Variants in LINGO2 observed in about 807,000 individuals in gnomAD.
The protein encoded by LINGO2 is leucine rich repeat and Ig domain containing 2, also known as leucine-rich repeat and immunoglobulin-like domain-containing nogo receptor-interacting protein 2.
In LINGO2, 14 loss-of-function variants were observed where a neutral mutation model predicts 30.6. The ratio of observed to expected loss-of-function variants is 0.46; its 90% CI spans 0.30 to 0.72. LINGO2 has a LOEUF of 0.72. Ranked by LOEUF, LINGO2 falls within the 30% of genes least tolerant of loss-of-function variation. The probability of loss-of-function intolerance (pLI) is 0.07; values close to 1 mark genes in which losing one functional copy is unlikely to be tolerated. For missense variants in LINGO2, 729 were observed against 751.7 expected (o/e 0.97, Z 0.35); for synonymous variants, 317 against 288.5 (o/e 1.10, Z -1.00).
At chr9:29,030,146 C>T in the LINGO2 span, among the ~76,000 whole-genome samples, 4 of 151,862 alleles carry the variant, frequency 2.6e-5, no homozygotes, top group Admixed American at 2.6e-4. Context: ...TTAGGATTGC[C>T]AAGTCTAAAC....
intron 3 of LINGO2, among the ~76,000 whole-genome samples, chr9:28,326,018 T>A (rs528341990): frequency 1.6e-4 from 25 of 152,308 alleles, no homozygotes; most frequent in African/African-American, 5.8e-4. Flanking sequence ...TTTTGTTTTG[T>A]TTTGTTTAGA....
chr9:28,580,467 C>G (rs772803334), intron 1 of LINGO2, among the ~76,000 whole-genome samples: 1 of 151,986 alleles, frequency 6.6e-6, no homozygotes, highest in Non-Finnish European at 1.5e-5. Context: ...CCCTCCCTCC[C>G]ACTGAATAAA....
At chr9:27,983,447 C>A (rs1458924571) in intron 5 of LINGO2, among the ~76,000 whole-genome samples, 1 of 151,810 alleles carries the variant, frequency 6.6e-6, no homozygotes, top group Non-Finnish European at 1.5e-5. Context: ...AGATACAAGT[C>A]ATCATCCATC....
chr9:28,467,044 G>T (rs138591652), intron 2 of LINGO2, among the ~76,000 whole-genome samples: 4,398 of 150,726 alleles, frequency 0.029, 226 homozygotes, highest in African/African-American at 0.1. Context: ...TTGGGGGGGG[G>T]GGACGGAGTC....
the LINGO2 span, among the ~76,000 whole-genome samples, chr9:29,065,053 T>C: frequency 6.6e-6 from 1 of 152,138 alleles, no homozygotes; most frequent in Non-Finnish European, 1.5e-5. Context: ...TTCAGCTTTA[T>C]GCTCCCAGCA....
At chr9:29,053,920 G>A in the LINGO2 span, among the ~76,000 whole-genome samples, 1 of 151,932 alleles carries the variant, frequency 6.6e-6, no homozygotes, top group African/African-American at 2.4e-5. Flanking sequence ...TAAGTTAAAA[G>A]AGAAGAAAGG....
At chr9:27,950,793 A>C (rs1402000752) in intron 5 of LINGO2, 87 bp from the exon 7 acceptor site, 3 of 631,442 alleles carry the variant, frequency 4.8e-6, no homozygotes, top group Non-Finnish European at 7.2e-6. Context: ...CAGCAAGTGT[A>C]ATGGAAAGGA....
chr9:29,098,795 A>G, the LINGO2 span, among the ~76,000 whole-genome samples: 5 of 152,180 alleles, frequency 3.3e-5, no homozygotes, highest in African/African-American at 1.2e-4. Flanking sequence ...CATTTTTGAA[A>G]TGTCTATGGT....
chr9:28,233,039 T>TAC (rs1554690889), intron 4 of LINGO2, among the ~76,000 whole-genome samples: 2 of 103,866 alleles, frequency 1.9e-5, no homozygotes, highest in Non-Finnish European at 3.7e-5. Flanking sequence ...ATTATATATA[T>TAC]ATATATATAT....
the LINGO2 span, among the ~76,000 whole-genome samples, chr9:28,761,479 C>T: frequency 1.1e-5 from 1 of 88,252 alleles, no homozygotes; most frequent in African/African-American, 3.3e-5. Flanking sequence ...GAAAAATATA[C>T]ATGCGCACAC....
intron 1 of LINGO2, among the ~76,000 whole-genome samples, chr9:28,581,503 T>A (rs575126840): frequency 4.0e-5 from 6 of 150,160 alleles, no homozygotes; most frequent in Admixed American, 1.3e-4. Context: ...GTAAATAATA[T>A]AGTAAATTGT....
At chr9:28,529,875 A>G (rs996492993) in intron 1 of LINGO2, among the ~76,000 whole-genome samples, 2 of 152,102 alleles carry the variant, frequency 1.3e-5, no homozygotes, top group African/African-American at 4.8e-5. Flanking sequence ...TAGCAAAATT[A>G]AAAGAAAAAT....
chr9:28,373,635 C>G lies in LINGO2; in HGVS notation c.-278-767G>C, dbSNP rs561303209. 5.6e-4 allele frequency among the ~76,000 whole-genome samples: 85 copies of G among 152,268 alleles called. 1 individual carries two copies. The highest frequency in any genetic ancestry group is 2.0e-3 in the African/African-American group (83 of 41,550). On this transcript the variant is annotated intron_variant, in intron 2 of 5. Transcript: ENST00000379992. ...TGGATTCAGGCCGGGCGCAGTGGCTCATGCCTGTAATCCGAGCACTTTGGG... is the reference window on the plus strand; with the variant it reads ...TGGATTCAGGCCGGGCGCAGTGGCTGATGCCTGTAATCCGAGCACTTTGGG...
At chr9:28,455,280 T>C (rs1375594522) in intron 2 of LINGO2, among the ~76,000 whole-genome samples, 1 of 152,048 alleles carries the variant, frequency 6.6e-6, no homozygotes, top group Non-Finnish European at 1.5e-5. Flanking sequence ...TACTCTAATA[T>C]ACTAGATTAT....
chr9:28,784,383 T>C, the LINGO2 span, among the ~76,000 whole-genome samples: 2 of 152,190 alleles, frequency 1.3e-5, no homozygotes, highest in Admixed American at 6.5e-5. Context: ...GCTTTGGAGT[T>C]ACACAGAAGT....
the LINGO2 span, among the ~76,000 whole-genome samples, chr9:28,683,158 G>C: frequency 9.5e-3 from 1,451 of 152,072 alleles, 23 homozygotes; most frequent in African/African-American, 0.033. Context: ...CCCAGTACTT[G>C]TGCTTCATTT....
At chr9:29,155,321 A>C in the LINGO2 span, among the ~76,000 whole-genome samples, 552 of 152,186 alleles carry the variant, frequency 3.6e-3, 7 homozygotes, top group African/African-American at 0.013. Context: ...CTAGAAAATA[A>C]ATTTTTTAAA....
chr9:29,103,087 A>G, the LINGO2 span, among the ~76,000 whole-genome samples: 3 of 152,182 alleles, frequency 2.0e-5, no homozygotes, highest in African/African-American at 7.2e-5. Flanking sequence ...ATAGAAAACT[A>G]CATCACTATA....
At chr9:28,252,771 G>T (rs1822250118) in intron 4 of LINGO2, among the ~76,000 whole-genome samples, 2 of 152,064 alleles carry the variant, frequency 1.3e-5, no homozygotes, top group South Asian at 2.1e-4. Context: ...TAAGGACAGA[G>T]AGTTTGAGTT....
Sources: allele counts gnomAD v4.1 joint callset (sites outside exome capture counted in the v4.1 genomes callset), GRCh38; gene constraint gnomAD v4.1.1; transcripts MANE v1.5; gene names NCBI Gene and HGNC (gene_info 2026-07-23, HGNC 2026-07-21).